Variants in CDKL3 observed in about 807,000 individuals in gnomAD.
CDKL3 encodes the protein cyclin dependent kinase like 3.
A neutral mutation model predicts 69.3 loss-of-function variants in CDKL3; 65 were observed. The observed-to-expected ratio is 0.94, with a 90% CI of 0.77 to 1.15. The LOEUF is 1.15. CDKL3 is among the 50% of genes most tolerant of loss of function. The probability of loss-of-function intolerance (pLI) is 0.00; values close to 1 mark genes in which losing one functional copy is unlikely to be tolerated. For missense variants in CDKL3, 652 were observed against 689.2 expected (o/e 0.95, Z 0.61); for synonymous variants, 202 against 221.6 (o/e 0.91, Z 0.79).
At chr5:134,356,303 C>T (rs558600170) in intron 3 of CDKL3, among the ~76,000 whole-genome samples, 1 of 152,282 alleles carries the variant, frequency 6.6e-6, no homozygotes, top group African/African-American at 2.4e-5. Flanking sequence ...GGTGGTAATG[C>T]GAGCAATGCA....
intron 2 of CDKL3, among the ~76,000 whole-genome samples, chr5:134,364,197 A>G (rs1756800781): frequency 6.6e-6 from 1 of 152,126 alleles, no homozygotes; most frequent in South Asian, 2.1e-4. Context: ...TTAATTTTCT[A>G]CCCCAACCCT....
At chr5:134,302,269 C>T in intron 12 of CDKL3, 1 of 460,964 alleles carries the variant, frequency 2.2e-6, no homozygotes, top group Non-Finnish European at 4.3e-6. Flanking sequence ...TGCTTGTGGC[C>T]ATATAACCAT....
intron 2 of CDKL3, among the ~76,000 whole-genome samples, chr5:134,363,872 C>T (rs764674941): frequency 6.7e-6 from 1 of 150,160 alleles, no homozygotes; most frequent in African/African-American, 2.5e-5. Context: ...ACAGGAAGAT[C>T]GCTTAAGCCC....
At chr5:134,334,527 G>A (rs1255816528) in intron 4 of CDKL3, among the ~76,000 whole-genome samples, 1 of 152,022 alleles carries the variant, frequency 6.6e-6, no homozygotes, top group Non-Finnish European at 1.5e-5. Flanking sequence ...TGTTCTTGTT[G>A]GTTTCAAAGA....
chr5:134,363,814 A>G (rs1435977334), intron 2 of CDKL3, among the ~76,000 whole-genome samples: 2 of 152,036 alleles, frequency 1.3e-5, no homozygotes, highest in African/African-American at 4.8e-5. Context: ...AAATTAGGCC[A>G]GGCACAGTGG....
chr5:134,327,855 T>C (rs1774793511), intron 4 of CDKL3, among the ~76,000 whole-genome samples: 1 of 152,102 alleles, frequency 6.6e-6, no homozygotes, highest in African/African-American at 2.4e-5. Flanking sequence ...GATAAACCTA[T>C]CAATACCACT....
At chr5:134,367,858 G>A (rs1488462442), upstream of CDKL3, among the ~76,000 whole-genome samples, 1 of 152,206 alleles carries the variant, frequency 6.6e-6, no homozygotes, top group South Asian at 2.1e-4. Flanking sequence ...CGGAAATAAA[G>A]AGGCCAGTGT....
intron 10 of CDKL3, among the ~76,000 whole-genome samples, 198 bp from the exon 11 acceptor site, chr5:134,304,765 T>C (rs1450860502): frequency 1.3e-5 from 2 of 151,126 alleles, no homozygotes; most frequent in Non-Finnish European, 2.9e-5. Flanking sequence ...CAAACATTTC[T>C]AGCATATTTA....
intron 4 of CDKL3, among the ~76,000 whole-genome samples, chr5:134,337,696 A>T (rs1381829025): frequency 2.6e-5 from 4 of 152,178 alleles, no homozygotes; most frequent in Non-Finnish European, 5.9e-5. Flanking sequence ...TTAACATTTT[A>T]AAATTTTAAA....
intron 10 of CDKL3, 98 bp from the exon 11 acceptor site, chr5:134,304,665 C>A: frequency 1.2e-6 from 1 of 817,226 alleles, no homozygotes; most frequent in Non-Finnish European, 1.8e-6. Context: ...ATAAGATAGA[C>A]ATAACAATTA....
At chr5:134,337,259 G>A (rs1265305916) in intron 4 of CDKL3, among the ~76,000 whole-genome samples, 2 of 152,130 alleles carry the variant, frequency 1.3e-5, no homozygotes, top group Admixed American at 1.3e-4. Context: ...GTCACTCATG[G>A]CTTCCCTTCA....
chr5:134,289,785 G>A (rs1561482932), intron 8 of CDKL3, among the ~76,000 whole-genome samples: 1 of 152,144 alleles, frequency 6.6e-6, no homozygotes, highest in Non-Finnish European at 1.5e-5. Flanking sequence ...ACTCTCTTGA[G>A]CAAGAGGGGC....
chr5:134,362,788 G>A (rs1053351072), intron 2 of CDKL3, among the ~76,000 whole-genome samples: 3 of 151,974 alleles, frequency 2.0e-5, no homozygotes, highest in Admixed American at 6.6e-5. Flanking sequence ...AATTAGCTGG[G>A]CGTGGTCGTA....
chr5:134,323,334 T>G (rs1265367602), intron 4 of CDKL3, among the ~76,000 whole-genome samples: 1 of 152,202 alleles, frequency 6.6e-6, no homozygotes, highest in Admixed American at 6.5e-5. Context: ...ATTTAATCTG[T>G]AAATTTTTAA....
chr5:134,304,328 T>TA, intron 11 of CDKL3, 77 bp downstream of exon 11: 1 of 1,193,694 alleles, frequency 8.4e-7, no homozygotes, highest in Non-Finnish European at 1.1e-6. Flanking sequence ...AATCACACTA[T>TA]AAAATGTAAG....
chr5:134,355,061 C>A (rs1416482077), intron 3 of CDKL3, among the ~76,000 whole-genome samples: 1 of 151,032 alleles, frequency 6.6e-6, no homozygotes, highest in Non-Finnish European at 1.5e-5. Context: ...TTGAGACAAG[C>A]CTGGGCAACA....
At chr5:134,291,090 T>A (rs1449126281) in intron 8 of CDKL3, among the ~76,000 whole-genome samples, 1 of 152,120 alleles carries the variant, frequency 6.6e-6, no homozygotes, top group African/African-American at 2.4e-5. Context: ...ACTCCAAGAT[T>A]TTTCTCTTGA....
intron 2 of CDKL3, among the ~76,000 whole-genome samples, chr5:134,362,633 A>G (rs1429887122): frequency 6.6e-6 from 1 of 152,154 alleles, no homozygotes; most frequent in African/African-American, 2.4e-5. Flanking sequence ...AAAATCCTAT[A>G]AAAAGCCAGT....
At chr5:134,360,256 G>A (rs901261137) in intron 2 of CDKL3, among the ~76,000 whole-genome samples, 165 bp from the exon 3 acceptor site, 2 of 152,034 alleles carry the variant, frequency 1.3e-5, no homozygotes, top group Non-Finnish European at 2.9e-5. Flanking sequence ...CCAGGCTGGA[G>A]TGCAGTAGCA....
Sources: allele counts gnomAD v4.1 joint callset (sites outside exome capture counted in the v4.1 genomes callset), GRCh38; gene constraint gnomAD v4.1.1; transcripts MANE v1.5; gene names NCBI Gene and HGNC (gene_info 2026-07-23, HGNC 2026-07-21).